The following ASB15 variants were observed in gnomAD, a reference collection of about 807,000 sequenced individuals.
ASB15 encodes ankyrin repeat and SOCS box containing 15, also known as ankyrin repeat and SOCS box protein 15.
Under a neutral mutation model 58.0 loss-of-function variants are expected in ASB15, and 54 were observed. The ratio of observed to expected loss-of-function variants is 0.93; its 90% CI spans 0.75 to 1.17. The LOEUF (loss-of-function observed/expected upper bound fraction) is 1.17. Among genes scored for constraint, ASB15 ranks in the 50% most tolerant of loss-of-function variants. ASB15 has a pLI of 0.00. For missense variants in ASB15, 680 were observed against 707.4 expected (o/e 0.96, Z 0.44); for synonymous variants, 249 against 262.4 (o/e 0.95, Z 0.50).
intron 10 of ASB15, 85 bp downstream of exon 10, chr7:123,629,519 A>C: frequency 8.1e-7 from 1 of 1,232,526 alleles, no homozygotes; most frequent in Non-Finnish European, 1.1e-6. Flanking sequence ...ACAAGAAAAG[A>C]AAAATAAACT....
At chr7:123,619,105 G>A (rs1053389951) in intron 7 of ASB15, among the ~76,000 whole-genome samples, 3 of 149,972 alleles carry the variant, frequency 2.0e-5, no homozygotes, top group Non-Finnish European at 3.0e-5. Context: ...GCTTGAACCT[G>A]GGAGGTGGAG....
chr7:123,614,061 T>A (rs1349698224), intron 3 of ASB15: 1 of 154,442 alleles, frequency 6.5e-6, no homozygotes, highest in South Asian at 2.0e-4. Context: ...ACAAAAGGAA[T>A]GTAACAGGAT....
At chr7:123,625,408 C>A (rs1168191370) in intron 8 of ASB15, among the ~76,000 whole-genome samples, 3 of 152,156 alleles carry the variant, frequency 2.0e-5, no homozygotes, top group African/African-American at 7.2e-5. Flanking sequence ...AGGGCAGCTA[C>A]AATAGTGTCA....
intron 9 of ASB15, among the ~76,000 whole-genome samples, chr7:123,627,983 T>C (rs1801902509): frequency 6.6e-6 from 1 of 152,224 alleles, no homozygotes; most frequent in South Asian, 2.1e-4. Flanking sequence ...CTAAGTGACA[T>C]GTTGTTAGAG....
chr7:123,567,072 A>G (rs932084076), exon 1 of ASB15: 1 of 152,234 alleles, frequency 6.6e-6, no homozygotes, highest in Non-Finnish European at 1.5e-5. Flanking sequence ...AGATAGAGCT[A>G]TTTGATCCTG....
chr7:123,614,763 A>G (rs1419331254), intron 4 of ASB15, among the ~76,000 whole-genome samples, 154 bp downstream of exon 4: 1 of 152,226 alleles, frequency 6.6e-6, no homozygotes, highest in African/African-American at 2.4e-5. Flanking sequence ...GCCACTGTTC[A>G]TAAGTTTTAG....
At chr7:123,580,377 C>T (rs2116314648) in intron 1 of ASB15, among the ~76,000 whole-genome samples, 1 of 152,078 alleles carries the variant, frequency 6.6e-6, no homozygotes, top group South Asian at 2.1e-4. Context: ...AAGCAGTCAT[C>T]ACAATCAAAC....
chr7:123,571,439 C>T (rs764275243), intron 1 of ASB15, among the ~76,000 whole-genome samples: 1 of 152,134 alleles, frequency 6.6e-6, no homozygotes, highest in Non-Finnish European at 1.5e-5. Context: ...TCATTAATCA[C>T]CCTGTGAAAG....
At chr7:123,596,181 T>TG (rs1799687042) in intron 1 of ASB15, among the ~76,000 whole-genome samples, 1 of 151,810 alleles carries the variant, frequency 6.6e-6, no homozygotes, top group Non-Finnish European at 1.5e-5. Context: ...AAAAAAAAAT[T>TG]GGGGGGAGGC....
chr7:123,633,244 G>T (rs1424591469), intron 11 of ASB15, among the ~76,000 whole-genome samples: 9 of 152,194 alleles, frequency 5.9e-5, no homozygotes, highest in African/African-American at 2.2e-4. Context: ...ATGGTTATAT[G>T]CTCTGATAAA....
chr7:123,593,979 T>C (rs1161680791), intron 1 of ASB15, among the ~76,000 whole-genome samples: 1 of 152,142 alleles, frequency 6.6e-6, no homozygotes, highest in Admixed American at 6.5e-5. Context: ...TGTTCATTTC[T>C]TTTCACTCTT....
At chr7:123,567,309 T>C (rs1440842563) in intron 1 of ASB15, among the ~76,000 whole-genome samples, 3 of 151,756 alleles carry the variant, frequency 2.0e-5, no homozygotes, top group Non-Finnish European at 4.4e-5. Context: ...GCCAGAGGAG[T>C]AAATGTTCTT....
At chr7:123,607,610 C>A (rs1005266829) in intron 2 of ASB15, among the ~76,000 whole-genome samples, 1 of 152,158 alleles carries the variant, frequency 6.6e-6, no homozygotes, top group Non-Finnish European at 1.5e-5. Flanking sequence ...CCTCAGCCCC[C>A]CAAGTAGCTG....
At chr7:123,623,843 G>A (rs769982051) in intron 7 of ASB15, among the ~76,000 whole-genome samples, 4 of 135,812 alleles carry the variant, frequency 2.9e-5, no homozygotes, top group East Asian at 2.2e-4. Context: ...CAGCCTGAGC[G>A]ACAGAGCGAG....
At chr7:123,614,235 T>G in intron 3 of ASB15, 1 of 348,556 alleles carries the variant, frequency 2.9e-6, no homozygotes, top group African/African-American at 2.3e-5. Flanking sequence ...CTGCAGTCAT[T>G]ACTGAAAAAA....
chr7:123,596,345 C>T (rs951057157), intron 1 of ASB15: 3 of 152,106 alleles, frequency 2.0e-5, no homozygotes, highest in African/African-American at 4.8e-5. Flanking sequence ...GGTGCAGTGG[C>T]TCATACCTGT....
At chr7:123,599,441 A>G (rs1460393953), upstream of ASB15, among the ~76,000 whole-genome samples, 1 of 152,218 alleles carries the variant, frequency 6.6e-6, no homozygotes, top group Admixed American at 6.5e-5. Flanking sequence ...GGTAGATGGG[A>G]TTGTATGACT....
intron 1 of ASB15, among the ~76,000 whole-genome samples, chr7:123,580,651 T>G (rs1584729468): frequency 6.6e-6 from 1 of 152,040 alleles, no homozygotes; most frequent in African/African-American, 2.4e-5. Context: ...TCCAAGTGAA[T>G]GCAACCCTTC....
intron 4 of ASB15, 58 bp from the exon 5 acceptor site, chr7:123,616,163 G>T: frequency 1.5e-6 from 2 of 1,344,166 alleles, no homozygotes; most frequent in Non-Finnish European, 2.1e-6. Context: ...AAAATGTTTG[G>T]TTCCTTGAAC....
Sources: gnomAD v4.1 joint callset for allele counts (sites outside exome capture counted in the v4.1 genomes callset) on GRCh38, gnomAD v4.1.1 for gene constraint, MANE v1.5 for transcripts, NCBI Gene and HGNC (gene_info 2026-07-23, HGNC 2026-07-21) for gene names.